The following STARD7 variants were observed in gnomAD, a reference collection of about 807,000 sequenced individuals.
The protein encoded by STARD7 is stAR-related lipid transfer protein 7, mitochondrial.
STARD7 carries 30 observed loss-of-function variants against 45.3 expected under a neutral mutation model. That is an observed-to-expected ratio of 0.66 (90% confidence interval 0.50 to 0.90). STARD7 has a LOEUF of 0.90. Ranked by LOEUF, STARD7 falls within the 40% of genes least tolerant of loss-of-function variation. The pLI is 0.00. For missense variants in STARD7, 495 were observed against 491.3 expected (o/e 1.01, Z -0.07); for synonymous variants, 199 against 183.0 (o/e 1.09, Z -0.70).
intron 1 of STARD7, among the ~76,000 whole-genome samples, chr2:96,200,457 T>C (rs1035016826): frequency 1.3e-5 from 2 of 152,094 alleles, no homozygotes; most frequent in African/African-American, 4.8e-5. Context: ...TACATATGTA[T>C]AAAAACATAG....
intron 6 of STARD7, among the ~76,000 whole-genome samples, chr2:96,192,108 C>A (rs188742231): frequency 6.6e-6 from 1 of 152,284 alleles, no homozygotes; most frequent in East Asian, 1.9e-4. Flanking sequence ...CAGGCTAATG[C>A]GTCAGTGGCT....
rs1301850636 is a variant in STARD7, at chr2:96,197,117, A to C, written c.291-1568T>G. Among the ~76,000 whole-genome samples, 38 of 148,728 alleles carry C rather than the reference A, an allele frequency of 2.6e-4. No individual in the cohort carries two copies. The East Asian group carries it at 3.2e-3, about 13-fold the overall frequency. ...AAAATAAAATAAAATAAAATAAAAT[A>C]AAATAAAGCCAAGCACAACGGCTCA... On this transcript the variant is annotated intron_variant, in intron 1 of 7. Transcript: ENST00000337288.
intron 3 of STARD7, among the ~76,000 whole-genome samples, chr2:96,193,873 C>T (rs1280075712): frequency 6.6e-6 from 1 of 152,222 alleles, no homozygotes; most frequent in Non-Finnish European, 1.5e-5. Context: ...AGGGAAAGTG[C>T]ACTTGCACGT....
intron 1 of STARD7, among the ~76,000 whole-genome samples, chr2:96,206,229 C>T (rs530273301): frequency 1.7e-4 from 26 of 152,264 alleles, no homozygotes; most frequent in African/African-American, 6.0e-4. Context: ...CTCTGTTTAG[C>T]ACTGCTAAAC....
rs573901648 is a variant in STARD7 at position 96,190,613 on chromosome 2, C to T, written c.843+1756G>A. Among the ~76,000 whole-genome samples, 25 of 152,130 alleles carry T rather than the reference C, an allele frequency of 1.6e-4. No homozygotes were observed. In the South Asian group the frequency reaches 4.6e-3, roughly 28 times the overall value. On this transcript the variant is annotated intron_variant, in intron 6 of 7. Coordinates refer to ENST00000337288, the MANE Select transcript of STARD7 (RefSeq NM_020151.4). ...TCGGCCTCCCAAAGTGCTGGGATTACAGGCGTGAGCCACTGCGCCTGGCTT... is the reference window on the plus strand; with the variant it reads ...TCGGCCTCCCAAAGTGCTGGGATTATAGGCGTGAGCCACTGCGCCTGGCTT...
intron 3 of STARD7, 127 bp downstream of exon 3, chr2:96,194,831 T>C (rs1683178005): frequency 9.5e-6 from 7 of 739,394 alleles, no homozygotes; most frequent in South Asian, 3.5e-5. Context: ...TGCTATGCAA[T>C]GTGGATGACA....
rs1419003364 is a variant in STARD7, at chr2:96,193,330, T to G, written c.572A>C (p.Lys191Thr). The G allele has an allele frequency of 1.2e-6, 2 of 1,613,430 alleles. No individual in the cohort carries two copies. The change falls in exon 4 of 8, where the codon AAA (lysine) becomes ACA (threonine). Residue 191 changes from lysine (K) to threonine (T), a missense_variant. By Grantham distance (78) the Lys-to-Thr change is moderately conservative. Coordinates refer to ENST00000337288, the MANE Select transcript of STARD7 (RefSeq NM_020151.4). ...CAGCTTGATTACCAGGGCATCCCATTTTTTTCTATACTCTGTGTCCAGCTG... is the reference window on the plus strand; with the variant it reads ...CAGCTTGATTACCAGGGCATCCCATGTTTTTCTATACTCTGTGTCCAGCTG... Reference protein sequence around the residue: ...NVQLDTEYRKKWDALVIKLEV... With the variant: ...NVQLDTEYRKTWDALVIKLEV...
Position 96,193,297 on chromosome 2 carries a change from A to G in STARD7, c.605T>C (p.Ile202Thr). ...WDALVIKLEV[I>T]ERDVVSGSEV... ...GGAACCACTAACCACATCCCTCTCA[A>G]TCACCTCCAGCTTGATTACCAGGGC... Residue 202 changes from isoleucine (I) to threonine (T), a missense_variant, in exon 4 of 8, where the codon ATT becomes ACT. Ile to Thr is a moderately conservative substitution (Grantham distance 89). Around this residue, in one of 2 missense-constraint regions of STARD7, gnomAD observed 213 missense variants for 271.2 expected, o/e 0.79. Transcript: ENST00000337288. 6.2e-7 allele frequency: 1 copy of G among 1,613,892 alleles called. No homozygotes were observed.
In STARD7 at chr2:96,208,299, C is replaced by T. The variant is rs756650553; in HGVS notation, c.136G>A (p.Gly46Ser). The T allele has an allele frequency of 6.8e-6, 11 of 1,609,076 alleles. No homozygotes were observed. Among genetic ancestry groups the T allele is most frequent in the South Asian group, 4.4e-5 (4 of 90,648 alleles). The part of the protein sequence containing the change: ...RRAQQIAQLY[G>S]RLYSESSRRV... ...CGTGAGCTCTCGGAGTAGAGGCGGCCGTAGAGCTGCGCGATCTGCTGCGCG... is the reference window on the plus strand; with the variant it reads ...CGTGAGCTCTCGGAGTAGAGGCGGCTGTAGAGCTGCGCGATCTGCTGCGCG... Residue 46 changes from glycine (G) to serine (S), a missense_variant, in exon 1 of 8, where the codon GGC becomes AGC. Transcript: ENST00000337288.
rs762640108 is a variant in STARD7 at position 96,208,340 on chromosome 2, C to A, written c.95G>T (p.Gly32Val). The A allele has an allele frequency of 1.9e-6, 3 of 1,599,764 alleles. No individual in the cohort carries two copies. The highest frequency in any genetic ancestry group is 1.7e-6 in the Non-Finnish European group (2 of 1,176,762). The change falls in exon 1 of 8, where the codon GGC (glycine) becomes GTC (valine). Residue 32 changes from glycine to valine, a missense_variant. Around this residue, in one of 2 missense-constraint regions of STARD7, gnomAD observed 282 missense variants for 220.1 expected, o/e 1.28. Coordinates refer to ENST00000337288, the MANE Select transcript of STARD7 (RefSeq NM_020151.4). ...CTGCTGCGCGCGCCGCACGCGCAGG[C>A]CCGTGACGAAGCGGCACTGATTGGC... ...LLANQCRFVT[G>V]LRVRRAQQIA...
intron 1 of STARD7, among the ~76,000 whole-genome samples, chr2:96,202,564 C>A (rs921942599): frequency 6.6e-6 from 1 of 152,172 alleles, no homozygotes; most frequent in Non-Finnish European, 1.5e-5. Flanking sequence ...AATCAGGCAC[C>A]ATAGGGCATC....
chr2:96,205,547 T>C (rs1683375352), intron 1 of STARD7, among the ~76,000 whole-genome samples: 1 of 152,184 alleles, frequency 6.6e-6, no homozygotes, highest in South Asian at 2.1e-4. Context: ...AGAAATGCAC[T>C]TGAGACACAC....
chr2:96,206,903 A>G (rs1683401023), intron 1 of STARD7, among the ~76,000 whole-genome samples: 1 of 151,788 alleles, frequency 6.6e-6, no homozygotes, highest in Non-Finnish European at 1.5e-5. Flanking sequence ...TTTTCTTCCT[A>G]TTCTTTTATT....
chr2:96,194,854 G>T, intron 3 of STARD7, 104 bp downstream of exon 3: 1 of 889,644 alleles, frequency 1.1e-6, no homozygotes, highest in Non-Finnish European at 1.8e-6. Flanking sequence ...TAGATAGATG[G>T]ATGTACTTAA....
At chr2:96,199,989 C>T (rs1683280637) in intron 1 of STARD7, among the ~76,000 whole-genome samples, 1 of 152,182 alleles carries the variant, frequency 6.6e-6, no homozygotes, top group Non-Finnish European at 1.5e-5. Context: ...ACCGACCTTG[C>T]CGTTCCTTAA....
intron 7 of STARD7, 29 bp from the exon 8 acceptor site, chr2:96,186,943 T>C: frequency 1.3e-6 from 2 of 1,592,236 alleles, no homozygotes; most frequent in Non-Finnish European, 1.7e-6. Context: ...CAGGTTAAGC[T>C]GACATACAAA....
In STARD7 at chr2:96,200,349, G is replaced by A. The variant is rs932870979; in HGVS notation, c.291-4800C>T. Among the ~76,000 whole-genome samples the A allele has an allele frequency of 2.6e-5, 4 of 152,266 alleles. No individual in the cohort carries two copies. The Middle Eastern group carries it at 0.01, about 388-fold the overall frequency. On this transcript the variant is annotated intron_variant, in intron 1 of 7. Transcript: ENST00000337288. ...TAGCCTGGGCCTCCCAAAGTGCTGGGATTCCAGGCGGGACTCACCGGCTGC... is the reference window on the plus strand; with the variant it reads ...TAGCCTGGGCCTCCCAAAGTGCTGGAATTCCAGGCGGGACTCACCGGCTGC...
chr2:96,191,615 C>A (rs1349416235), intron 6 of STARD7, among the ~76,000 whole-genome samples: 1 of 151,514 alleles, frequency 6.6e-6, no homozygotes, highest in African/African-American at 2.4e-5. Context: ...TCTTCTAACC[C>A]TAGTGCCCTG....
At chr2:96,207,673 G>C (rs1285915226) in intron 1 of STARD7, among the ~76,000 whole-genome samples, 1 of 152,144 alleles carries the variant, frequency 6.6e-6, no homozygotes, top group African/African-American at 2.4e-5. Flanking sequence ...ATTTTGCCAC[G>C]AGTCACGATG....
Sources: allele counts gnomAD v4.1 joint callset (sites outside exome capture counted in the v4.1 genomes callset), GRCh38; gene constraint gnomAD v4.1.1; regional missense constraint gnomAD v4.1.1; transcripts MANE v1.5; gene names NCBI Gene and HGNC (gene_info 2026-07-23, HGNC 2026-07-21).